Variants in RPS6KA2 observed in about 807,000 individuals in gnomAD.
RPS6KA2 encodes the protein ribosomal protein S6 kinase A2.
Under a neutral mutation model 91.8 loss-of-function variants are expected in RPS6KA2, and 42 were observed. The observed-to-expected ratio is 0.46, with a 90% CI of 0.36 to 0.59. RPS6KA2 has a LOEUF of 0.59. RPS6KA2 is among the 20% of genes least tolerant of loss of function. The pLI is 0.00. For missense variants in RPS6KA2, 798 were observed against 978.5 expected (o/e 0.82, Z 2.46); for synonymous variants, 414 against 393.6 (o/e 1.05, Z -0.61).
At chr6:166,766,931 C>G (rs566268044) in intron 2 of RPS6KA2, among the ~76,000 whole-genome samples, 1 of 152,234 alleles carries the variant, frequency 6.6e-6, no homozygotes, top group African/African-American at 2.4e-5. Context: ...AGCTGCGTGG[C>G]CCTGTGGGCC....
upstream of RPS6KA2, among the ~76,000 whole-genome samples, chr6:166,631,340 T>C (rs1787069422): frequency 6.6e-6 from 1 of 152,062 alleles, no homozygotes; most frequent in Non-Finnish European, 1.5e-5. Context: ...TGGCTTACAT[T>C]TAGGAAGAAA....
chr6:166,645,610 G>A (rs1787580936), intron 2 of RPS6KA2, among the ~76,000 whole-genome samples: 1 of 152,166 alleles, frequency 6.6e-6, no homozygotes. Context: ...GAGCAGCCCT[G>A]CCATGCTCAC....
chr6:166,579,899 A>G (rs1445652299), intron 1 of RPS6KA2, among the ~76,000 whole-genome samples: 1 of 152,232 alleles, frequency 6.6e-6, no homozygotes, highest in Non-Finnish European at 1.5e-5. Flanking sequence ...AAAGACAACT[A>G]AATAATCTGA....
intron 2 of RPS6KA2, among the ~76,000 whole-genome samples, chr6:166,807,536 G>A (rs911141632): frequency 3.3e-5 from 5 of 151,972 alleles, no homozygotes; most frequent in East Asian, 1.9e-4. Flanking sequence ...GGCAGAGGAC[G>A]GCTCCCACTC....
At position 166,412,730 on chromosome 6, in the gene RPS6KA2, G is replaced by A; in HGVS notation, c.*32C>T. 1.9e-6 allele frequency: 3 copies of A among 1,563,826 alleles called. No individual in the cohort carries two copies. The highest frequency in any genetic ancestry group is 2.6e-6 in the Non-Finnish European group (3 of 1,155,228). On this transcript the variant is annotated 3_prime_UTR_variant, in exon 21 of 21. Transcript: ENST00000265678. The surrounding 1 kb of genome is among the most constrained non-coding windows in gnomAD (Gnocchi z 4.3). ...GGGTCTGTGAGCCCACGAGGATGCTGGCAGGGGACGCTGGGGCCAGGGTCC... is the reference window on the plus strand; with the variant it reads ...GGGTCTGTGAGCCCACGAGGATGCTAGCAGGGGACGCTGGGGCCAGGGTCC...
intron 2 of RPS6KA2, among the ~76,000 whole-genome samples, chr6:166,851,423 C>T (rs1486381596): frequency 3.3e-5 from 5 of 152,178 alleles, no homozygotes; most frequent in African/African-American, 1.2e-4. Context: ...ATCGGATGAG[C>T]ACAATTTTTT....
chr6:166,504,537 C>T lies in RPS6KA2; in HGVS notation c.535G>A (p.Gly179Arg). 1 of 1,613,486 alleles carries T rather than the reference C, an allele frequency of 6.2e-7. No homozygotes were observed. Among genetic ancestry groups the T allele is most frequent in the Non-Finnish European group, 8.5e-7 (1 of 1,179,612 alleles). ...GGCTTCAGATCTCTGTAGATGATCCCCAGGCTGTGGAGATGGTCTAAAGCC... is the reference window on the plus strand; with the variant it reads ...GGCTTCAGATCTCTGTAGATGATCCTCAGGCTGTGGAGATGGTCTAAAGCC... The part of the protein sequence containing the change: ...ALALDHLHSL[G>R]IIYRDLKPEN... The change falls in exon 6 of 21, where the codon GGG becomes AGG. Residue 179 changes from glycine to arginine, a missense_variant. Physicochemically the swap from Gly to Arg is moderately radical, Grantham distance 125. Transcript: ENST00000265678.
chr6:166,556,571 T>C (rs912122965), intron 1 of RPS6KA2, among the ~76,000 whole-genome samples: 1 of 152,094 alleles, frequency 6.6e-6, no homozygotes, highest in Admixed American at 6.5e-5. Flanking sequence ...CACTAACCTA[T>C]AGGAATGAAG....
At chr6:166,523,362 G>A (rs1782922273) in intron 3 of RPS6KA2, among the ~76,000 whole-genome samples, 1 of 152,198 alleles carries the variant, frequency 6.6e-6, no homozygotes, top group African/African-American at 2.4e-5. Flanking sequence ...AGTACCATGA[G>A]CAGGGATGTA....
chr6:166,436,679 C>T (rs1779321561), intron 14 of RPS6KA2, among the ~76,000 whole-genome samples: 1 of 152,226 alleles, frequency 6.6e-6, no homozygotes, highest in African/African-American at 2.4e-5. Flanking sequence ...TCCTGGCTTC[C>T]TTGCCTCCTG....
At chr6:166,473,912 AG>A (rs1410665402) in intron 10 of RPS6KA2, among the ~76,000 whole-genome samples, 4 of 149,614 alleles carry the variant, frequency 2.7e-5, no homozygotes, top group African/African-American at 9.8e-5. Flanking sequence ...CATCACTTAA[AG>A]GTTATCTACA....
chr6:166,413,940 G>T lies in RPS6KA2; in HGVS notation c.1939-9C>A. Reference sequence around the variant, plus strand: ...ATCTTGGACACGACGTCCTGCCAGGGAAGGTCATGAGAGTCGGGGGGATGG... The same window carrying T: ...ATCTTGGACACGACGTCCTGCCAGGTAAGGTCATGAGAGTCGGGGGGATGG... On this transcript the variant is annotated splice_polypyrimidine_tract_variant and intron_variant, in intron 19 of 20. Coordinates refer to ENST00000265678, the MANE Select transcript of RPS6KA2 (RefSeq NM_021135.6). 1 of 1,613,208 alleles carries T rather than the reference G, an allele frequency of 6.2e-7. No individual in the cohort carries two copies. The highest frequency in any genetic ancestry group is 1.1e-5 in the South Asian group (1 of 91,052).
chr6:166,838,608 A>AATGTTAC (rs1780379734), intron 2 of RPS6KA2, among the ~76,000 whole-genome samples: 1 of 152,214 alleles, frequency 6.6e-6, no homozygotes, highest in Non-Finnish European at 1.5e-5. Context: ...CCAACAAGTA[A>AATGTTAC]ATGTTACATT....
intron 2 of RPS6KA2, among the ~76,000 whole-genome samples, chr6:166,718,910 A>AT (rs1167547052): frequency 6.6e-6 from 1 of 152,180 alleles, no homozygotes; most frequent in Non-Finnish European, 1.5e-5. Flanking sequence ...TAACCATTAG[A>AT]TTTTTTCTTA....
chr6:166,507,394 CCCA>C (rs1261106488), intron 5 of RPS6KA2, among the ~76,000 whole-genome samples: 5 of 124,256 alleles, frequency 4.0e-5, no homozygotes, highest in Admixed American at 7.6e-5. Flanking sequence ...ACACACCCAC[CCCA>C]CATCACACAT....
At chr6:166,810,119 C>A (rs1014908616) in intron 2 of RPS6KA2, among the ~76,000 whole-genome samples, 4 of 152,118 alleles carry the variant, frequency 2.6e-5, no homozygotes, top group African/African-American at 9.7e-5. Flanking sequence ...AGGGGAGATG[C>A]CAGATGCTTC....
At chr6:166,461,315 C>G (rs540526849) in intron 11 of RPS6KA2, among the ~76,000 whole-genome samples, 1 of 152,126 alleles carries the variant, frequency 6.6e-6, no homozygotes, top group African/African-American at 2.4e-5. Flanking sequence ...GAATAATCTC[C>G]CCAGACACAT....
intron 2 of RPS6KA2, among the ~76,000 whole-genome samples, chr6:166,645,551 C>T (rs1421521667): frequency 6.6e-6 from 1 of 152,194 alleles, no homozygotes; most frequent in Non-Finnish European, 1.5e-5. Flanking sequence ...TAAGACTCCA[C>T]TCCTGGGAGG....
intron 10 of RPS6KA2, among the ~76,000 whole-genome samples, chr6:166,481,997 T>G (rs1029976835): frequency 6.6e-6 from 1 of 151,624 alleles, no homozygotes; most frequent in African/African-American, 2.4e-5. Context: ...TATACCTCTC[T>G]GATCGATCTT....
Sources: gnomAD v4.1 joint callset for allele counts (sites outside exome capture counted in the v4.1 genomes callset) on GRCh38, gnomAD v4.1.1 for gene constraint, Gnocchi (gnomAD v3.1) non-coding constraint, MANE v1.5 for transcripts, NCBI Gene and HGNC (gene_info 2026-07-23, HGNC 2026-07-21) for gene names.